The following KMT2E variants were observed in gnomAD, a reference collection of about 807,000 sequenced individuals.
KMT2E encodes the protein histone reader KMT2E.
In KMT2E, 30 loss-of-function variants were observed where a neutral mutation model predicts 184.6. The ratio of observed to expected loss-of-function variants is 0.16; its 90% CI spans 0.12 to 0.22. The LOEUF is 0.22. Ranked by LOEUF, KMT2E falls within the 10% of genes least tolerant of loss-of-function variation. The pLI, the probability that KMT2E is intolerant of heterozygous loss-of-function variation, is 1.00. For missense variants in KMT2E, 2,023 were observed against 2,237.4 expected (o/e 0.90, Z 1.93); for synonymous variants, 815 against 776.5 (o/e 1.05, Z -0.82).
At chr7:105,089,666 G>T (rs1457038198) in intron 13 of KMT2E, among the ~76,000 whole-genome samples, 1 of 152,098 alleles carries the variant, frequency 6.6e-6, no homozygotes, top group Non-Finnish European at 1.5e-5. Context: ...GTTTAGACCT[G>T]AATCCCATTC....
Position 105,021,796 on chromosome 7 carries a change from A to G in KMT2E, c.-189+7261A>G, listed in dbSNP as rs545001533. On this transcript the variant is annotated intron_variant, in intron 1 of 26. Transcript: ENST00000311117. ...TTGGGAGGGCTTCCAAAACTAAATA[A>G]TTGATATATCACACTGATGATTCAA... 2.6e-5 allele frequency among the ~76,000 whole-genome samples: 4 copies of G among 152,310 alleles called. No individual in the cohort carries two copies. The South Asian group carries it at 8.3e-4, about 32-fold the overall frequency.
chr7:105,024,966 A>G (rs1795112850), intron 1 of KMT2E, among the ~76,000 whole-genome samples: 1 of 152,160 alleles, frequency 6.6e-6, no homozygotes, highest in Non-Finnish European at 1.5e-5. Context: ...AATTAAAATC[A>G]CAGCAGTACA....
intron 13 of KMT2E, among the ~76,000 whole-genome samples, chr7:105,087,801 C>A (rs1798044419): frequency 7.2e-6 from 1 of 138,060 alleles, no homozygotes; most frequent in Non-Finnish European, 1.6e-5. Context: ...GTCCATCTTT[C>A]TTTTGGGTAG....
At position 105,109,087 on chromosome 7, in the gene KMT2E, A is replaced by G. The variant is rs1368252046; in HGVS notation, c.3614A>G (p.Asn1205Ser). 6 of 1,614,180 alleles carry G rather than the reference A, an allele frequency of 3.7e-6. No individual in the cohort carries two copies. Among genetic ancestry groups the G allele is most frequent in the East Asian group, 2.2e-5 (1 of 44,882 alleles). The change falls in exon 23 of 27, where the codon AAT (asparagine) becomes AGT (serine). Residue 1205 changes from asparagine to serine, a missense_variant. Physicochemically the swap from Asn to Ser is conservative, Grantham distance 46. Coordinates refer to ENST00000311117, the MANE Select transcript of KMT2E (RefSeq NM_182931.3). ...GATGGCTGTGCCAGCAGTAATGACA[A>G]TGGGGAGCAGGTGGACCACACTGCT... The part of the protein sequence containing the change: ...NGDGCASSND[N>S]GEQVDHTASL...
chr7:105,048,413 T>TA (rs908498361), intron 3 of KMT2E, among the ~76,000 whole-genome samples: 17 of 151,808 alleles, frequency 1.1e-4, no homozygotes, highest in African/African-American at 2.9e-4. Flanking sequence ...TACTGAGTTT[T>TA]AAAAAAAACC....
In KMT2E at chr7:105,079,511, CTTTTTTTTTTTT is replaced by C. The variant is rs66734303; in HGVS notation, c.1248+567_1248+578del. On this transcript the variant is annotated intron_variant, in intron 12 of 26. Coordinates refer to ENST00000311117, the MANE Select transcript of KMT2E (RefSeq NM_182931.3). ...CTTATAAGAGGAAATATTGGACTTC[CTTTTTTTTTTTT>C]TTTTTTTTTTTTTTTTTTGAGGCAG... Among the ~76,000 whole-genome samples the C allele has an allele frequency of 2.8e-3, 172 of 62,336 alleles. 4 individuals are homozygous for C. In the East Asian group the frequency reaches 0.046, roughly 17 times the overall value. 40.9% of individuals were successfully genotyped at this position (62,336 alleles called of 152,430 possible).
intron 15 of KMT2E, among the ~76,000 whole-genome samples, chr7:105,093,232 T>C (rs967834827): frequency 2.0e-5 from 3 of 151,860 alleles, no homozygotes; most frequent in African/African-American, 7.3e-5. Flanking sequence ...AGAAAACCAG[T>C]GGGGGTTTGT....
At chr7:105,027,994 A>G (rs1177293092) in intron 1 of KMT2E, among the ~76,000 whole-genome samples, 3 of 152,174 alleles carry the variant, frequency 2.0e-5, no homozygotes, top group Non-Finnish European at 4.4e-5. Context: ...AGTGGCCAAC[A>G]GTATTCTGAT....
At chr7:105,024,970 C>T (rs781527679) in intron 1 of KMT2E, among the ~76,000 whole-genome samples, 15 of 152,082 alleles carry the variant, frequency 9.9e-5, no homozygotes, top group Admixed American at 2.0e-4. Context: ...AAAATCACAG[C>T]AGTACAAATT....
intron 1 of KMT2E, among the ~76,000 whole-genome samples, chr7:105,018,589 T>A (rs1366916558): frequency 2.0e-5 from 3 of 152,220 alleles, no homozygotes; most frequent in Non-Finnish European, 2.9e-5. Context: ...AGATTATCTA[T>A]GAGACTTTTT....
At chr7:105,090,602 T>G (rs1798161407) in intron 14 of KMT2E, among the ~76,000 whole-genome samples, 1 of 152,208 alleles carries the variant, frequency 6.6e-6, no homozygotes, top group African/African-American at 2.4e-5. Context: ...AAAATTTTCT[T>G]TCTTTAAACA....
chr7:105,108,239 A>C (rs770251985), intron 22 of KMT2E, among the ~76,000 whole-genome samples: 3 of 152,150 alleles, frequency 2.0e-5, no homozygotes, highest in Non-Finnish European at 2.9e-5. Context: ...GACTTGAATA[A>C]TATTTGTGTT....
At chr7:105,058,659 T>G (rs1463710648) in intron 3 of KMT2E, among the ~76,000 whole-genome samples, 1 of 152,132 alleles carries the variant, frequency 6.6e-6, no homozygotes, top group Non-Finnish European at 1.5e-5. Context: ...GAATTCAGAG[T>G]TTTGAAAAGG....
intron 20 of KMT2E, 126 bp downstream of exon 20, chr7:105,106,898 A>C: frequency 1.1e-6 from 1 of 926,516 alleles, no homozygotes; most frequent in Non-Finnish European, 1.6e-6. Flanking sequence ...TAAGAAACTA[A>C]AAATCAGAAA....
At chr7:105,078,533 G>C (rs1404659416) in intron 11 of KMT2E, among the ~76,000 whole-genome samples, 1 of 151,876 alleles carries the variant, frequency 6.6e-6, no homozygotes, top group East Asian at 1.9e-4. Context: ...TTTTGAGACA[G>C]TCTCGCTCTA....
At chr7:105,056,608 A>G (rs182940395) in intron 3 of KMT2E, among the ~76,000 whole-genome samples, 16 of 152,330 alleles carry the variant, frequency 1.1e-4, no homozygotes, top group African/African-American at 3.6e-4. Flanking sequence ...CTCTAGCAAA[A>G]TTAGTGATTT....
chr7:105,046,680 G>A (rs1474302459), intron 3 of KMT2E, among the ~76,000 whole-genome samples: 1 of 152,138 alleles, frequency 6.6e-6, no homozygotes, highest in East Asian at 1.9e-4. Context: ...CAGTGCCCTG[G>A]CAATTTGGGA....
At chr7:105,021,203 A>G (rs1339682645) in intron 1 of KMT2E, among the ~76,000 whole-genome samples, 1 of 152,268 alleles carries the variant, frequency 6.6e-6, no homozygotes, top group Non-Finnish European at 1.5e-5. Context: ...GGTCTGATAC[A>G]TAGTAACTCT....
At chr7:105,063,285 G>A (rs1796897358) in intron 4 of KMT2E, 66 bp from the exon 5 acceptor site, 2 of 1,153,790 alleles carry the variant, frequency 1.7e-6, no homozygotes, top group African/African-American at 1.6e-5. Context: ...TTTTATTTAA[G>A]TTGCTTGGTT....
Sources: allele counts gnomAD v4.1 joint callset (sites outside exome capture counted in the v4.1 genomes callset), GRCh38; gene constraint gnomAD v4.1.1; transcripts MANE v1.5; gene names NCBI Gene and HGNC (gene_info 2026-07-23, HGNC 2026-07-21).